TBC1D22B: variants seen among roughly 807,000 people sequenced by gnomAD.
TBC1D22B encodes the protein TBC1 domain family member 22B, also known as chromosome 6 open reading frame 197.
In TBC1D22B, 32 loss-of-function variants were observed where a neutral mutation model predicts 69.1. That is an observed-to-expected ratio of 0.46 (90% CI 0.35 to 0.62). The LOEUF (loss-of-function observed/expected upper bound fraction) is 0.62, where lower values mean the gene tolerates loss of function less well. TBC1D22B is among the 20% of genes least tolerant of loss of function. The pLI, the probability that TBC1D22B is intolerant of heterozygous loss-of-function variation, is 0.00. For missense variants in TBC1D22B, 462 were observed against 630.9 expected, an observed-to-expected ratio of 0.73 and a Z score of 2.87; for synonymous variants, 206 against 229.8, an observed-to-expected ratio of 0.90 and a Z score of 0.94.
At chr6:37,291,108 T>C in intron 7 of TBC1D22B, 135 bp from the exon 8 acceptor site, 1 of 666,712 alleles carries the variant, frequency 1.5e-6, no homozygotes, top group East Asian at 2.8e-5. Flanking sequence ...ATATACTTCT[T>C]TATCCCACAG....
chr6:37,292,904 TTG>T, intron 8 of TBC1D22B, among the ~76,000 whole-genome samples: 1 of 152,164 alleles, frequency 6.6e-6, no homozygotes, highest in Admixed American at 6.5e-5. Flanking sequence ...CAGGCATATC[TTG>T]TTTTATTGAG....
intron 12 of TBC1D22B, among the ~76,000 whole-genome samples, chr6:37,330,759 TTC>T (rs1209732666): frequency 1.3e-5 from 2 of 152,216 alleles, no homozygotes; most frequent in African/African-American, 4.8e-5. Context: ...GTGATTATTT[TTC>T]TCTCTTAAAA....
At chr6:37,296,174 A>T (rs1389720676) in intron 8 of TBC1D22B, among the ~76,000 whole-genome samples, 1 of 152,220 alleles carries the variant, frequency 6.6e-6, no homozygotes. Context: ...AAGCAGGAGA[A>T]CTGCTTGAAC....
At chr6:37,308,667 T>TA (rs1464075769) in intron 8 of TBC1D22B, among the ~76,000 whole-genome samples, 1 of 152,200 alleles carries the variant, frequency 6.6e-6, no homozygotes, top group Non-Finnish European at 1.5e-5. Flanking sequence ...CTTACCAACT[T>TA]ATGACCTCAT....
intron 3 of TBC1D22B, 39 bp downstream of exon 3, chr6:37,279,650 C>G: frequency 3.2e-6 from 5 of 1,545,444 alleles, no homozygotes; most frequent in Non-Finnish European, 4.4e-6. Flanking sequence ...TCAGCCTTCT[C>G]AGCAGCGTGC....
rs957164395 is a variant in TBC1D22B, at chr6:37,276,832, A to G, written c.114-2472A>G. Among the ~76,000 whole-genome samples, 9 of 152,298 alleles carry G rather than the reference A, an allele frequency of 5.9e-5. No individual in the cohort carries two copies. The South Asian group carries it at 6.2e-4, about 11-fold the overall frequency. On this transcript the variant is annotated intron_variant, in intron 2 of 12. Coordinates refer to ENST00000373491, the MANE Select transcript of TBC1D22B (RefSeq NM_017772.4). The stretch of plus-strand genomic sequence containing the variant: ...CCTGAACCGAGGAGGTGGAGGTTGC[A>G]GTGAGCCTAGATCGCACCACTGCAC...
intron 6 of TBC1D22B, among the ~76,000 whole-genome samples, chr6:37,285,426 G>T (rs1161899801): frequency 7.1e-6 from 1 of 141,102 alleles, no homozygotes; most frequent in Non-Finnish European, 1.5e-5. Context: ...CTGGATTCAG[G>T]TGATTCTCCT....
intron 6 of TBC1D22B, among the ~76,000 whole-genome samples, chr6:37,285,738 C>T (rs962715496): frequency 6.6e-6 from 1 of 152,212 alleles, no homozygotes; most frequent in African/African-American, 2.4e-5. Context: ...GGTGATCCAC[C>T]CACCTTGGCC....
intron 8 of TBC1D22B, among the ~76,000 whole-genome samples, chr6:37,307,182 A>G (rs995356381): frequency 3.9e-5 from 6 of 152,320 alleles, no homozygotes; most frequent in Non-Finnish European, 7.3e-5. Flanking sequence ...AACCAGTTCA[A>G]AATTATTACA....
At chr6:37,288,446 C>G (rs567944512) in intron 7 of TBC1D22B, among the ~76,000 whole-genome samples, 2 of 152,330 alleles carry the variant, frequency 1.3e-5, no homozygotes, top group African/African-American at 4.8e-5. Flanking sequence ...CGTGATGACT[C>G]ACTCCTATAA....
rs1013614894 is a variant in TBC1D22B, at chr6:37,327,237, G to A, written c.1390-3807G>A. Among the ~76,000 whole-genome samples, 5 of 95,270 alleles carry A rather than the reference G, an allele frequency of 5.2e-5. 1 individual carries two copies. The highest frequency in any genetic ancestry group is 8.0e-5 in the Non-Finnish European group (4 of 50,278). 62.5% of individuals were successfully genotyped at this position (95,270 alleles called of 152,430 possible). A position where few individuals can be genotyped will look rare whatever the true frequency, so the allele number is the denominator to read the frequency against. Reference sequence around the variant, plus strand: ...CTCGCGCCTGTAATCCCAGCACTTTGGGAGGCCGAGGCGGGCGGATCACGA... The same window carrying A: ...CTCGCGCCTGTAATCCCAGCACTTTAGGAGGCCGAGGCGGGCGGATCACGA... On this transcript the variant is annotated intron_variant, in intron 12 of 12. Transcript: ENST00000373491.
intron 8 of TBC1D22B, among the ~76,000 whole-genome samples, chr6:37,292,473 C>A (rs892450982): frequency 2.0e-5 from 3 of 152,060 alleles, no homozygotes; most frequent in Non-Finnish European, 4.4e-5. Flanking sequence ...TTTTACATAT[C>A]CTCCCCACCC....
At chr6:37,313,390 T>A (rs1393018732) in intron 9 of TBC1D22B, among the ~76,000 whole-genome samples, 6 of 151,676 alleles carry the variant, frequency 4.0e-5, no homozygotes, top group Non-Finnish European at 7.4e-5. Flanking sequence ...CTCAGTGGGC[T>A]AAGGTGGGAG....
intron 2 of TBC1D22B, 129 bp downstream of exon 2, chr6:37,269,779 A>T: frequency 2.5e-6 from 2 of 789,036 alleles, no homozygotes; most frequent in Non-Finnish European, 4.4e-6. Flanking sequence ...GGACCAGGAG[A>T]TGAGCAATGT....
chr6:37,329,289 C>T (rs542934406), intron 12 of TBC1D22B, among the ~76,000 whole-genome samples: 2 of 152,212 alleles, frequency 1.3e-5, no homozygotes, highest in East Asian at 3.9e-4. Context: ...TCCAAAATGT[C>T]TTCTTTATCT....
chr6:37,297,214 C>T (rs539052777), intron 8 of TBC1D22B, among the ~76,000 whole-genome samples: 99 of 152,286 alleles, frequency 6.5e-4, no homozygotes, highest in African/African-American at 2.3e-3. Flanking sequence ...AATATACAGT[C>T]GTATTCATAA....
intron 8 of TBC1D22B, among the ~76,000 whole-genome samples, chr6:37,308,617 G>T (rs1198234021): frequency 1.3e-5 from 2 of 152,166 alleles, no homozygotes; most frequent in East Asian, 1.9e-4. Flanking sequence ...TCCCTAGATG[G>T]CTAACAGTTT....
intron 8 of TBC1D22B, among the ~76,000 whole-genome samples, chr6:37,294,350 T>G (rs1169464793): frequency 6.6e-6 from 1 of 152,048 alleles, no homozygotes; most frequent in African/African-American, 2.4e-5. Context: ...AAAAACAATT[T>G]TTGTAGAGAG....
At chr6:37,312,558 T>C (rs1767947421) in intron 8 of TBC1D22B, among the ~76,000 whole-genome samples, 1 of 152,144 alleles carries the variant, frequency 6.6e-6, no homozygotes, top group Non-Finnish European at 1.5e-5. Context: ...ATCAAAGAAA[T>C]TTTCCAGGCC....
Sources: gnomAD v4.1 joint callset for allele counts (sites outside exome capture counted in the v4.1 genomes callset) on GRCh38, gnomAD v4.1.1 for gene constraint, MANE v1.5 for transcripts, NCBI Gene and HGNC (gene_info 2026-07-23, HGNC 2026-07-21) for gene names.